PHF24: variants seen among roughly 807,000 people sequenced by gnomAD.
PHF24 encodes Galpha inhibitory interacting protein.
PHF24 carries 25 observed loss-of-function variants against 42.6 expected under a neutral mutation model. The observed-to-expected ratio is 0.59, with a 90% CI of 0.43 to 0.82. The LOEUF (loss-of-function observed/expected upper bound fraction) is 0.82, where lower values mean the gene tolerates loss of function less well. Ranked by LOEUF, PHF24 falls within the 40% of genes least tolerant of loss-of-function variation. The pLI, the probability that PHF24 is intolerant of heterozygous loss-of-function variation, is 0.00. For missense variants in PHF24, 470 were observed against 538.1 expected (o/e 0.87, Z 1.25); for synonymous variants, 185 against 204.8 (o/e 0.90, Z 0.83).
At chr9:34,834,044 C>T in the PHF24 span, 4 of 1,549,284 alleles carry the variant, frequency 2.6e-6, no homozygotes, top group South Asian at 1.2e-5. Context: ...AGTGACAGTA[C>T]CTGGTAAGGC....
chr9:34,826,132 C>T, the PHF24 span, among the ~76,000 whole-genome samples: 1 of 152,136 alleles, frequency 6.6e-6, no homozygotes, highest in Non-Finnish European at 1.5e-5. Context: ...GGCCTCTTCC[C>T]AGGCCCCCCT....
At chr9:34,674,186 TA>T in the PHF24 span, among the ~76,000 whole-genome samples, 2 of 152,340 alleles carry the variant, frequency 1.3e-5, no homozygotes, top group African/African-American at 4.8e-5. Context: ...GATGGGAAAC[TA>T]AGACCCAGAA....
chr9:34,851,177 T>C, the PHF24 span, among the ~76,000 whole-genome samples: 16 of 152,298 alleles, frequency 1.1e-4, no homozygotes, highest in African/African-American at 3.9e-4. Context: ...TGCTGTCTTT[T>C]TGTTTGTCTG....
At chr9:34,892,653 G>A in the PHF24 span, 1 of 459,928 alleles carries the variant, frequency 2.2e-6, no homozygotes, top group Non-Finnish European at 3.8e-6. Context: ...TTCAAGGGCT[G>A]CTGACCTTGG....
At chr9:34,976,828 C>A in intron 5 of PHF24, 88 bp downstream of exon 5, 7 of 1,173,478 alleles carry the variant, frequency 6.0e-6, no homozygotes, top group Non-Finnish European at 8.6e-6. Context: ...AGCACTGGGT[C>A]CTGCTCAAGC....
At chr9:34,793,997 G>A in the PHF24 span, among the ~76,000 whole-genome samples, 1 of 151,578 alleles carries the variant, frequency 6.6e-6, no homozygotes, top group African/African-American at 2.4e-5. Flanking sequence ...TCTCACTCCA[G>A]GACAGAAAAA....
chr9:34,726,055 C>T, the PHF24 span: 1 of 1,520,844 alleles, frequency 6.6e-7, no homozygotes, highest in Non-Finnish European at 8.9e-7. Context: ...AGGCTAGAGC[C>T]ATAGGGTTTG....
At chr9:34,890,078 A>G in the PHF24 span, among the ~76,000 whole-genome samples, 2 of 152,184 alleles carry the variant, frequency 1.3e-5, no homozygotes, top group Non-Finnish European at 2.9e-5. Context: ...GCAGATCCAG[A>G]CAGATCCTTG....
chr9:34,874,130 G>GTCA, the PHF24 span, among the ~76,000 whole-genome samples: 1 of 152,146 alleles, frequency 6.6e-6, no homozygotes, highest in Non-Finnish European at 1.5e-5. Context: ...ATACAATCAT[G>GTCA]TCATCTGCAA....
the PHF24 span, among the ~76,000 whole-genome samples, chr9:34,762,784 T>C: frequency 1.3e-5 from 2 of 152,312 alleles, no homozygotes; most frequent in African/African-American, 2.4e-5. Flanking sequence ...TGCCTATGTC[T>C]TGAATGGTAT....
chr9:34,933,096 A>G, the PHF24 span, among the ~76,000 whole-genome samples: 1 of 150,828 alleles, frequency 6.6e-6, no homozygotes, highest in Non-Finnish European at 1.5e-5. Context: ...AGTATATGAT[A>G]CTACATGCAT....
chr9:34,747,478 G>A, the PHF24 span, among the ~76,000 whole-genome samples: 1 of 152,128 alleles, frequency 6.6e-6, no homozygotes, highest in Admixed American at 6.6e-5. Context: ...ACAGACAAAT[G>A]AGCAAGGGAC....
At chr9:34,909,732 C>T in the PHF24 span, among the ~76,000 whole-genome samples, 1 of 152,098 alleles carries the variant, frequency 6.6e-6, no homozygotes, top group African/African-American at 2.4e-5. Context: ...CGCCATTCTC[C>T]TGCCTCAGCC....
the PHF24 span, among the ~76,000 whole-genome samples, chr9:34,795,772 G>A: frequency 6.6e-6 from 1 of 152,126 alleles, no homozygotes; most frequent in African/African-American, 2.4e-5. Context: ...CGAGGTGGGA[G>A]AATCATCTGA....
the PHF24 span, chr9:34,724,558 G>C: frequency 1.3e-6 from 2 of 1,545,328 alleles, no homozygotes; most frequent in Non-Finnish European, 1.8e-6. Context: ...TTTTTCTCAG[G>C]TGGAAGTTTA....
chr9:34,818,856 G>A, the PHF24 span, among the ~76,000 whole-genome samples: 3 of 152,118 alleles, frequency 2.0e-5, no homozygotes, highest in Non-Finnish European at 4.4e-5. Context: ...CAGTTTTATG[G>A]AAGATTTTGT....
chr9:34,815,554 C>T, the PHF24 span, among the ~76,000 whole-genome samples: 1 of 152,306 alleles, frequency 6.6e-6, no homozygotes, highest in East Asian at 1.9e-4. Flanking sequence ...TATCTCCTCA[C>T]CTTGTGATCC....
At chr9:34,821,701 T>A in the PHF24 span, among the ~76,000 whole-genome samples, 4 of 152,166 alleles carry the variant, frequency 2.6e-5, no homozygotes, top group African/African-American at 9.7e-5. Context: ...CTAAGATCAG[T>A]GACAGCAGAA....
chr9:34,760,380 C>T, the PHF24 span, among the ~76,000 whole-genome samples: 26 of 152,180 alleles, frequency 1.7e-4, no homozygotes, highest in African/African-American at 5.5e-4. Context: ...GAAAGAGCTT[C>T]GCTGTGTCTC....
Sources: gnomAD v4.1 joint callset for allele counts (sites outside exome capture counted in the v4.1 genomes callset) on GRCh38, gnomAD v4.1.1 for gene constraint, MANE v1.5 for transcripts, NCBI Gene and HGNC (gene_info 2026-07-23, HGNC 2026-07-21) for gene names.